FSTL4: variants seen among roughly 807,000 people sequenced by gnomAD.
The protein encoded by FSTL4 is follistatin like 4.
A neutral mutation model predicts 78.2 loss-of-function variants in FSTL4; 28 were observed. The observed-to-expected ratio is 0.36, with a 90% CI of 0.27 to 0.49. The LOEUF is 0.49. FSTL4 is among the 20% of genes least tolerant of loss of function. FSTL4 has a pLI of 0.98. For missense variants in FSTL4, 922 were observed against 1,084.9 expected, an observed-to-expected ratio of 0.85 and a Z score of 2.11; for synonymous variants, 422 against 440.5, an observed-to-expected ratio of 0.96 and a Z score of 0.53.
chr5:133,530,765 T>C (rs578130976), intron 3 of FSTL4, among the ~76,000 whole-genome samples: 235 of 152,232 alleles, frequency 1.5e-3, no homozygotes, highest in African/African-American at 4.7e-3. Flanking sequence ...ACAAGGCACA[T>C]TGACAGAGGA....
At chr5:133,212,989 C>A (rs1381353492) in intron 13 of FSTL4, among the ~76,000 whole-genome samples, 1 of 151,622 alleles carries the variant, frequency 6.6e-6, no homozygotes, top group African/African-American at 2.4e-5. Flanking sequence ...GAATTCTATA[C>A]TCAGTGAAGA....
chr5:133,789,380 T>G, the FSTL4 span, among the ~76,000 whole-genome samples: 1 of 152,228 alleles, frequency 6.6e-6, no homozygotes, highest in African/African-American at 2.4e-5. Flanking sequence ...TTATAAAGAA[T>G]GAAAAGAATT....
intron 3 of FSTL4, among the ~76,000 whole-genome samples, chr5:133,485,256 C>G (rs374384200): frequency 6.6e-6 from 1 of 152,180 alleles, no homozygotes; most frequent in African/African-American, 2.4e-5. Flanking sequence ...TCTGAACAAC[C>G]AAGGAGGCAG....
chr5:133,601,676 T>A (rs971688386), intron 2 of FSTL4, among the ~76,000 whole-genome samples: 2 of 149,140 alleles, frequency 1.3e-5, no homozygotes, highest in African/African-American at 5.1e-5. Context: ...TTTTTTCTTT[T>A]TCTTTCTTTC....
chr5:133,795,839 T>G, the FSTL4 span, among the ~76,000 whole-genome samples: 4 of 152,174 alleles, frequency 2.6e-5, no homozygotes, highest in Non-Finnish European at 5.9e-5. Flanking sequence ...CTCCAATGAG[T>G]AAGGGAAGCA....
chr5:133,238,675 A>C (rs1010445765), intron 7 of FSTL4, among the ~76,000 whole-genome samples: 3 of 152,274 alleles, frequency 2.0e-5, no homozygotes, highest in Non-Finnish European at 4.4e-5. Flanking sequence ...CCAAACATCT[A>C]CATGGACACG....
At chr5:133,703,338 TC>T in the FSTL4 span, among the ~76,000 whole-genome samples, 1 of 152,158 alleles carries the variant, frequency 6.6e-6, no homozygotes, top group Non-Finnish European at 1.5e-5. Context: ...TGCATAGCCA[TC>T]AACTTTGAAG....
At chr5:133,296,698 C>T (rs1295230920) in intron 6 of FSTL4, among the ~76,000 whole-genome samples, 1 of 152,188 alleles carries the variant, frequency 6.6e-6, no homozygotes, top group Non-Finnish European at 1.5e-5. Flanking sequence ...CCCTGCCCTA[C>T]CCTGCCCTCT....
At chr5:133,604,859 C>T (rs990914911) in intron 1 of FSTL4, among the ~76,000 whole-genome samples, 2 of 134,310 alleles carry the variant, frequency 1.5e-5, no homozygotes, top group African/African-American at 6.2e-5. Flanking sequence ...TGGCAGAATC[C>T]AAGCATCCAA....
the FSTL4 span, among the ~76,000 whole-genome samples, chr5:133,668,092 A>G: frequency 0.65 from 98,768 of 152,114 alleles, 32,937 homozygotes; most frequent in African/African-American, 0.8. Flanking sequence ...ACCTGTGTCC[A>G]GACTTTAGGG....
chr5:133,374,723 ATCTC>A (rs111630345), intron 4 of FSTL4, among the ~76,000 whole-genome samples: 2 of 148,858 alleles, frequency 1.3e-5, no homozygotes, highest in Non-Finnish European at 3.0e-5. Flanking sequence ...GGAAGAGATG[ATCTC>A]TCTCTCTCTC....
chr5:133,315,674 T>C (rs576263539), intron 5 of FSTL4, among the ~76,000 whole-genome samples: 83 of 152,290 alleles, frequency 5.5e-4, no homozygotes, highest in South Asian at 2.1e-3. Flanking sequence ...TTGCAGATCT[T>C]GTACCTGCCT....
At chr5:133,256,789 C>T (rs1192456528) in intron 6 of FSTL4, among the ~76,000 whole-genome samples, 2 of 152,234 alleles carry the variant, frequency 1.3e-5, no homozygotes, top group Non-Finnish European at 2.9e-5. Context: ...CTCCTGTTTC[C>T]TTACGTGTAA....
At chr5:133,815,692 A>G in the FSTL4 span, among the ~76,000 whole-genome samples, 1 of 152,168 alleles carries the variant, frequency 6.6e-6, no homozygotes, top group Non-Finnish European at 1.5e-5. Context: ...TGGGAATCGT[A>G]TTTTTAAATA....
the FSTL4 span, among the ~76,000 whole-genome samples, chr5:133,815,836 C>T: frequency 2.8e-3 from 434 of 152,294 alleles, 1 homozygote; most frequent in South Asian, 5.8e-3. Flanking sequence ...CTTCTTGATA[C>T]AAGTACCCAG....
intron 4 of FSTL4, among the ~76,000 whole-genome samples, chr5:133,357,080 T>C (rs2902873): frequency 0.17 from 25,185 of 152,206 alleles, 2,365 homozygotes; most frequent in East Asian, 0.38. Context: ...TGCAAAGCCC[T>C]GGACAGACCC....
At chr5:133,369,129 C>A (rs1755236860) in intron 4 of FSTL4, among the ~76,000 whole-genome samples, 2 of 152,302 alleles carry the variant, frequency 1.3e-5, no homozygotes, top group Non-Finnish European at 2.9e-5. Context: ...CCACACATGG[C>A]CTGCTGAATA....
At chr5:133,240,065 C>T (rs548849434) in intron 7 of FSTL4, among the ~76,000 whole-genome samples, 4 of 152,328 alleles carry the variant, frequency 2.6e-5, no homozygotes, top group South Asian at 2.1e-4. Context: ...GCTGCTCACT[C>T]TTTAGGTTTA....
At chr5:133,316,798 C>T in intron 4 of FSTL4, 146 bp from the exon 5 acceptor site, 1 of 603,444 alleles carries the variant, frequency 1.7e-6, no homozygotes, top group Non-Finnish European at 2.9e-6. Context: ...GTCGATGGGA[C>T]TTGTTTGTGT....
Sources: gnomAD v4.1 joint callset for allele counts (sites outside exome capture counted in the v4.1 genomes callset) on GRCh38, gnomAD v4.1.1 for gene constraint, MANE v1.5 for transcripts, NCBI Gene and HGNC (gene_info 2026-07-23, HGNC 2026-07-21) for gene names.